Variants in GRIA3 observed in about 807,000 individuals in gnomAD.
The protein encoded by GRIA3 is glutamate ionotropic receptor AMPA type subunit 3, also known as glutamate receptor 3.
In GRIA3, 3 loss-of-function variants were observed where a neutral mutation model predicts 63.0. That is an observed-to-expected ratio of 0.05 (90% CI 0.02 to 0.12). The LOEUF is 0.12. Ranked by LOEUF, GRIA3 falls within the 10% of genes least tolerant of loss-of-function variation. The pLI, the probability that GRIA3 is intolerant of heterozygous loss-of-function variation, is 1.00. For synonymous variants in GRIA3, 274 were observed against 257.9 expected (o/e 1.06, Z -0.60); for missense variants, 347 against 700.9 (o/e 0.50, Z 5.70).
chrX:123,364,616 G>A (rs1190516286), intron 5 of GRIA3, among the ~76,000 whole-genome samples: 1 of 112,190 alleles, frequency 8.9e-6, no homozygotes. Context: ...TCCCATTGCT[G>A]GGCATATATC....
intron 3 of GRIA3, among the ~76,000 whole-genome samples, chrX:123,292,372 G>A (rs965423182): frequency 5.4e-5 from 6 of 111,220 alleles, no homozygotes; most frequent in Non-Finnish European, 7.6e-5. Flanking sequence ...GCATAGGCAG[G>A]TACTTTTGGT....
intron 2 of GRIA3, among the ~76,000 whole-genome samples, chrX:123,240,857 A>G (rs941676515): frequency 9.0e-6 from 1 of 111,411 alleles, no homozygotes; most frequent in Non-Finnish European, 1.9e-5. Flanking sequence ...TAAATGGTAA[A>G]GATACATTGT....
intron 13 of GRIA3, among the ~76,000 whole-genome samples, chrX:123,472,738 A>T (rs1239060355): frequency 6.2e-5 from 7 of 112,020 alleles, no homozygotes; most frequent in Non-Finnish European, 1.3e-4. Flanking sequence ...TAATTTAGAA[A>T]TGTCACTGGC....
intron 2 of GRIA3, among the ~76,000 whole-genome samples, chrX:123,250,141 G>A (rs138351585): frequency 1.7e-3 from 190 of 111,645 alleles, no homozygotes; most frequent in African/African-American, 5.9e-3. Context: ...GGGTAGCAGG[G>A]AGGAGTGTTA....
At chrX:123,296,439 C>T (rs1367130008) in intron 3 of GRIA3, among the ~76,000 whole-genome samples, 1 of 110,699 alleles carries the variant, frequency 9.0e-6, no homozygotes, top group Non-Finnish European at 1.9e-5. Flanking sequence ...TCCCCAATTC[C>T]CACCCCAACC....
At chrX:123,295,206 C>T (rs1441116352) in intron 3 of GRIA3, among the ~76,000 whole-genome samples, 2 of 111,558 alleles carry the variant, frequency 1.8e-5, no homozygotes, top group Non-Finnish European at 3.8e-5. Flanking sequence ...TTTTATCAGC[C>T]TTTGCGAATG....
intron 3 of GRIA3, among the ~76,000 whole-genome samples, chrX:123,291,671 C>T (rs6608068): frequency 0.28 from 31,271 of 110,204 alleles, 3,870 homozygotes; most frequent in East Asian, 0.55. Context: ...ATCCTTATCA[C>T]CTGGCTTTCA....
At chrX:123,253,189 C>T in intron 2 of GRIA3, 114 bp from the exon 3 acceptor site, 1 of 884,781 alleles carries the variant, frequency 1.1e-6, no homozygotes, top group Non-Finnish European at 1.6e-6. Context: ...TCAGGGGCTT[C>T]TTTCTTCTGA....
intron 13 of GRIA3, among the ~76,000 whole-genome samples, chrX:123,468,534 A>G (rs962269471): frequency 2.7e-5 from 3 of 112,496 alleles, no homozygotes; most frequent in Non-Finnish European, 5.6e-5. Context: ...AGATATAATC[A>G]TATTCGTTAC....
intron 10 of GRIA3, among the ~76,000 whole-genome samples, chrX:123,410,142 G>A (rs373764229): frequency 4.6e-4 from 51 of 111,300 alleles, no homozygotes; most frequent in African/African-American, 1.5e-3. Context: ...GTTATCACTC[G>A]AAATATTTGA....
chrX:123,266,404 G>A (rs1235392210), intron 3 of GRIA3, among the ~76,000 whole-genome samples: 2 of 111,132 alleles, frequency 1.8e-5, no homozygotes, highest in African/African-American at 3.3e-5. Context: ...TCAGTGAATG[G>A]CACTGCCCAG....
At chrX:123,434,999 AT>A (rs769038593) in intron 12 of GRIA3, among the ~76,000 whole-genome samples, 154 of 112,717 alleles carry the variant, frequency 1.4e-3, no homozygotes, top group African/African-American at 4.8e-3. Flanking sequence ...AGCACTGACG[AT>A]CATACATCTT....
intron 3 of GRIA3, among the ~76,000 whole-genome samples, chrX:123,292,063 AT>A (rs925224564): frequency 1.3e-4 from 14 of 109,703 alleles, no homozygotes; most frequent in Admixed American, 6.8e-4. Context: ...GTCAAGTTTT[AT>A]TTTTTTTTCC....
chrX:123,263,997 A>G (rs1041920039), intron 3 of GRIA3, among the ~76,000 whole-genome samples: 2 of 111,905 alleles, frequency 1.8e-5, no homozygotes, highest in African/African-American at 6.5e-5. Context: ...CCCCTAAATA[A>G]AGGCTTAGAT....
chrX:123,427,820 C>G, intron 11 of GRIA3, 121 bp from the exon 12 acceptor site: 1 of 552,571 alleles, frequency 1.8e-6, no homozygotes. Context: ...CTCACATCAT[C>G]TATTTCCCTC....
chrX:123,392,979 A>C (rs2045394671), intron 5 of GRIA3, among the ~76,000 whole-genome samples: 1 of 112,403 alleles, frequency 8.9e-6, no homozygotes, highest in African/African-American at 3.2e-5. Context: ...CTCTCTGCTG[A>C]ATTTATTACA....
intron 12 of GRIA3, among the ~76,000 whole-genome samples, chrX:123,445,880 T>G (rs753162636): frequency 1.8e-5 from 2 of 112,476 alleles, no homozygotes; most frequent in Non-Finnish European, 3.8e-5. Context: ...AAATAAAATT[T>G]GATTTTCAAA....
At chrX:123,246,212 A>T (rs1211260482) in intron 2 of GRIA3, among the ~76,000 whole-genome samples, 1 of 112,148 alleles carries the variant, frequency 8.9e-6, no homozygotes, top group Admixed American at 9.4e-5. Flanking sequence ...CAACCTTTTA[A>T]TTTTGCTATG....
Position 123,381,037 on chromosome X carries a change from T to G in GRIA3, c.751-13931T>G, listed in dbSNP as rs187133720. Among the ~76,000 whole-genome samples the G allele has an allele frequency of 1.9e-3, 215 of 111,805 alleles. 2 individuals carry two copies. Among genetic ancestry groups the G allele is most frequent in the African/African-American group, 6.8e-3 (209 of 30,752 alleles). On this transcript the variant is annotated intron_variant, in intron 5 of 15. Coordinates refer to ENST00000620443, the MANE Select transcript of GRIA3 (RefSeq NM_007325.5). Reference sequence around the variant, plus strand: ...ATGTTTTTAAAAAATGAAATAGATGTAAGAGGTTGAGAGAAGCCAGCAAAG... The same window carrying G: ...ATGTTTTTAAAAAATGAAATAGATGGAAGAGGTTGAGAGAAGCCAGCAAAG...
Sources: gnomAD v4.1 joint callset for allele counts (sites outside exome capture counted in the v4.1 genomes callset) on GRCh38, gnomAD v4.1.1 for gene constraint, MANE v1.5 for transcripts, NCBI Gene and HGNC (gene_info 2026-07-23, HGNC 2026-07-21) for gene names.